KLF13: variants seen among roughly 807,000 people sequenced by gnomAD.
KLF13 encodes KLF transcription factor 13, also known as Krueppel-like factor 13.
Under a neutral mutation model 16.7 loss-of-function variants are expected in KLF13, and 8 were observed. The observed-to-expected ratio is 0.48, with a 90% CI of 0.28 to 0.87. The LOEUF is 0.87. Among genes scored for constraint, KLF13 ranks in the 40% least tolerant of loss-of-function variants. The pLI is 0.10. For missense variants in KLF13, 447 were observed against 452.2 expected (o/e 0.99, Z 0.10); for synonymous variants, 245 against 208.4 (o/e 1.18, Z -1.51).
At chr15:31,356,024 T>C (rs920780991) in intron 1 of KLF13, among the ~76,000 whole-genome samples, 1 of 152,020 alleles carries the variant, frequency 6.6e-6, no homozygotes, top group South Asian at 2.1e-4. Context: ...GGAGGCCATT[T>C]TTCCTTTCCT....
At chr15:31,355,745 C>G (rs577544152) in intron 1 of KLF13, among the ~76,000 whole-genome samples, 6 of 152,166 alleles carry the variant, frequency 3.9e-5, no homozygotes. Flanking sequence ...TGCAGGTGAC[C>G]CATACATTAC....
chr15:31,362,292 A>C (rs1029048920), intron 1 of KLF13, among the ~76,000 whole-genome samples: 4 of 152,184 alleles, frequency 2.6e-5, no homozygotes, highest in Non-Finnish European at 5.9e-5. Flanking sequence ...CCCTTCTCCA[A>C]TAGGACAGTT....
intron 1 of KLF13, among the ~76,000 whole-genome samples, chr15:31,340,357 G>A (rs2039000568): frequency 6.6e-6 from 1 of 152,246 alleles, no homozygotes; most frequent in African/African-American, 2.4e-5. Flanking sequence ...GGTGTTGCTT[G>A]TGCACACCCC....
At chr15:31,426,479 C>T (rs988166578) in intron 1 of KLF13, among the ~76,000 whole-genome samples, 1 of 152,102 alleles carries the variant, frequency 6.6e-6, no homozygotes, top group Admixed American at 6.6e-5. Context: ...CAAACTTAAA[C>T]CCTGTGCATC....
intron 1 of KLF13, among the ~76,000 whole-genome samples, chr15:31,425,279 A>T (rs187049699): frequency 6.6e-6 from 1 of 152,310 alleles, no homozygotes; most frequent in East Asian, 1.9e-4. Context: ...AATAGAAAAA[A>T]TTTTCTAAAA....
In KLF13 at chr15:31,373,444, C is replaced by A. The variant is rs898636175; in HGVS notation, c.*1145C>A. 1.3e-5 allele frequency: 2 copies of A among 152,268 alleles called. No individual in the cohort carries two copies. The highest frequency in any genetic ancestry group is 1.3e-4 in the Admixed American group (2 of 15,292). The allele number at this position is 152,268 out of a possible 1,614,324, so 9.4% of individuals were successfully genotyped here. On this transcript the variant is annotated 3_prime_UTR_variant, in exon 2 of 2. Transcript: ENST00000307145. ...CGGAGAGCGCGCATTCTATTTCCTC[C>A]GCAGGGAATGCCAGATAGAAAGTTG...
chr15:31,410,983 C>A (rs1418899086), intron 1 of KLF13, among the ~76,000 whole-genome samples: 1 of 152,086 alleles, frequency 6.6e-6, no homozygotes, highest in African/African-American at 2.4e-5. Flanking sequence ...AAGAAAAAAA[C>A]CAGTCTTCTA....
intron 1 of KLF13, among the ~76,000 whole-genome samples, chr15:31,350,970 A>G (rs922110335): frequency 2.0e-5 from 3 of 152,136 alleles, no homozygotes; most frequent in African/African-American, 7.2e-5. Flanking sequence ...GCTGGGAGGG[A>G]GTGTGTGGAT....
chr15:31,327,274 G>A lies in KLF13; in HGVS notation c.62G>A (p.Arg21His). ...AAECLVSMSS[R>H]AVVHGPREGP... ...GAGTGCCTCGTGTCCATGTCGAGCC[G>A]CGCGGTCGTGCACGGGCCGCGGGAG... The change falls in exon 1 of 2, where the codon CGC becomes CAC. Residue 21 changes from arginine (R) to histidine (H), a missense_variant. Physicochemically the swap from Arg to His is conservative, Grantham distance 29. Transcript: ENST00000307145. 1.5e-6 allele frequency: 2 copies of A among 1,367,916 alleles called. No individual in the cohort carries two copies. 84.7% of individuals were successfully genotyped at this position (1,367,916 alleles called of 1,614,324 possible). A position where few individuals can be genotyped will look rare whatever the true frequency, so the allele number is the denominator to read the frequency against.
chr15:31,352,771 A>G (rs1270184408), intron 1 of KLF13, among the ~76,000 whole-genome samples: 1 of 152,228 alleles, frequency 6.6e-6, no homozygotes, highest in Non-Finnish European at 1.5e-5. Context: ...GTGAATAAAA[A>G]CTTAATAAAA....
chr15:31,381,630 T>G (rs1354501103), downstream of KLF13, among the ~76,000 whole-genome samples: 3 of 152,180 alleles, frequency 2.0e-5, no homozygotes, highest in African/African-American at 7.2e-5. Context: ...CTGCAGGGCT[T>G]GATGAACTCC....
downstream of KLF13, among the ~76,000 whole-genome samples, chr15:31,380,534 T>C (rs946960993): frequency 1.3e-5 from 2 of 152,156 alleles, no homozygotes; most frequent in African/African-American, 4.8e-5. Flanking sequence ...CTCCTAGCCT[T>C]GTTGGTCATG....
rs932341148 is a variant in KLF13 at position 31,375,344 on chromosome 15, C to A, written c.*3045C>A. On this transcript the variant is annotated 3_prime_UTR_variant, in exon 2 of 2. Coordinates refer to ENST00000307145, the MANE Select transcript of KLF13 (RefSeq NM_015995.4). ...AGGCGGACCCTCCTGAAACAGCCTC[C>A]ATTTTCTTCAAACATGCAGAATGTT... 1.3e-5 allele frequency: 2 copies of A among 152,242 alleles called. No individual in the cohort carries two copies. The highest frequency in any genetic ancestry group is 4.8e-5 in the African/African-American group (2 of 41,454). The allele number at this position is 152,242 out of a possible 1,614,324, so 9.4% of individuals were successfully genotyped here.
chr15:31,410,619 A>C (rs940361501), intron 1 of KLF13, among the ~76,000 whole-genome samples: 11 of 114,382 alleles, frequency 9.6e-5, no homozygotes, highest in African/African-American at 2.9e-4. Context: ...ACACACACAC[A>C]CACACACCCC....
At chr15:31,335,435 ATGTGTGTG>A (rs71110867) in intron 1 of KLF13, among the ~76,000 whole-genome samples, 1 of 34,888 alleles carries the variant, frequency 2.9e-5, no homozygotes, top group African/African-American at 7.2e-5. Context: ...GTGTGTGTGT[ATGTGTGTG>A]TGTGTGTGTG....
intron 2 of KLF13, among the ~76,000 whole-genome samples, chr15:31,396,836 G>A (rs115098359): frequency 0.019 from 2,918 of 152,262 alleles, 116 homozygotes; most frequent in African/African-American, 0.066. Context: ...TAGGCAGGAA[G>A]GAGGTCTGCT....
At chr15:31,388,486 T>C (rs2039818801), upstream of KLF13, among the ~76,000 whole-genome samples, 1 of 151,242 alleles carries the variant, frequency 6.6e-6, no homozygotes, top group Non-Finnish European at 1.5e-5. Flanking sequence ...CGGTGGTGCG[T>C]GCCTATAATC....
At chr15:31,383,636 C>T (rs530176270) in intron 1 of KLF13, among the ~76,000 whole-genome samples, 1 of 152,344 alleles carries the variant, frequency 6.6e-6, no homozygotes, top group South Asian at 2.1e-4. Flanking sequence ...CGCGGTGGCT[C>T]ACGCCTATAA....
At chr15:31,328,356 C>G (rs1595446620) in intron 1 of KLF13, among the ~76,000 whole-genome samples, 1 of 152,066 alleles carries the variant, frequency 6.6e-6, no homozygotes, top group East Asian at 1.9e-4. Context: ...ATTTTTCCAG[C>G]GCTCTAAGGT....
Sources: allele counts gnomAD v4.1 joint callset (sites outside exome capture counted in the v4.1 genomes callset), GRCh38; gene constraint gnomAD v4.1.1; transcripts MANE v1.5; gene names NCBI Gene and HGNC (gene_info 2026-07-23, HGNC 2026-07-21).